MAGI2: variants seen among roughly 807,000 people sequenced by gnomAD.
MAGI2 encodes membrane associated guanylate kinase, WW and PDZ domain containing 2.
MAGI2 carries 35 observed loss-of-function variants against 133.3 expected under a neutral mutation model. The ratio of observed to expected loss-of-function variants is 0.26; its 90% CI spans 0.20 to 0.35. The LOEUF (loss-of-function observed/expected upper bound fraction) is 0.35, where lower values mean the gene tolerates loss of function less well. Among genes scored for constraint, MAGI2 ranks in the 10% least tolerant of loss-of-function variants. The pLI, the probability that MAGI2 is intolerant of heterozygous loss-of-function variation, is 1.00. For missense variants in MAGI2, 1,636 were observed against 1,863.4 expected (o/e 0.88, Z 2.25); for synonymous variants, 729 against 710.6 (o/e 1.03, Z -0.41).
chr7:79,043,772 C>CT (rs1332340779), intron 1 of MAGI2, among the ~76,000 whole-genome samples: 1 of 152,018 alleles, frequency 6.6e-6, no homozygotes, highest in Non-Finnish European at 1.5e-5. Context: ...ATGAATACCT[C>CT]TATGCACACA....
chr7:78,455,836 C>T lies in MAGI2; in HGVS notation c.1045+33925G>A, dbSNP rs144994642. Among the ~76,000 whole-genome samples, 589 of 152,134 alleles carry T rather than the reference C, an allele frequency of 3.9e-3. 1 individual carries two copies. Among genetic ancestry groups the T allele is most frequent in the Non-Finnish European group, 5.7e-3 (389 of 67,990 alleles). On this transcript the variant is annotated intron_variant, in intron 6 of 21. Transcript: ENST00000354212. Reference sequence around the variant, plus strand: ...TTTCGTCTTTTCTTTCAAAGGTTGACACTAAGTCTACCTATTTTTTGTTTA... The same window carrying T: ...TTTCGTCTTTTCTTTCAAAGGTTGATACTAAGTCTACCTATTTTTTGTTTA...
intron 1 of MAGI2, among the ~76,000 whole-genome samples, chr7:79,376,594 C>T (rs907451490): frequency 1.3e-5 from 2 of 151,754 alleles, no homozygotes; most frequent in African/African-American, 4.8e-5. Context: ...GGGTGGGTAG[C>T]GTCTACAATG....
At chr7:78,452,258 A>G (rs1788803006) in intron 6 of MAGI2, among the ~76,000 whole-genome samples, 1 of 151,998 alleles carries the variant, frequency 6.6e-6, no homozygotes, top group African/African-American at 2.4e-5. Flanking sequence ...CAGTACATAA[A>G]TCCAGTTTTA....
In MAGI2 at chr7:78,345,903, A is replaced by C; in HGVS notation, c.1225+19T>G. The C allele has an allele frequency of 6.2e-7, 1 of 1,612,182 alleles. No homozygotes were observed. Among genetic ancestry groups the C allele is most frequent in the Non-Finnish European group, 8.5e-7 (1 of 1,179,564 alleles). Reference sequence around the variant, plus strand: ...GACAATTTTCCCTTTGAAACATCACATGCTGACAGGTATCATACCTCGGAA... The same window carrying C: ...GACAATTTTCCCTTTGAAACATCACCTGCTGACAGGTATCATACCTCGGAA... On this transcript the variant is annotated intron_variant, in intron 8 of 21. Transcript: ENST00000354212.
At chr7:78,392,109 C>T (rs893650361) in intron 6 of MAGI2, among the ~76,000 whole-genome samples, 1 of 152,142 alleles carries the variant, frequency 6.6e-6, no homozygotes, top group Non-Finnish European at 1.5e-5. Context: ...CGATCCTTGC[C>T]TCAAACACTT....
At chr7:78,619,005 T>C (rs1429278339) in intron 3 of MAGI2, 1 of 50,422 alleles carries the variant, frequency 2.0e-5, no homozygotes. Flanking sequence ...CCAAAATCGC[T>C]AAAAAAAAAA....
rs1381097013 is a variant in MAGI2 at position 78,839,740 on chromosome 7, AT to A, written c.418+167349del. Among the ~76,000 whole-genome samples the A allele has an allele frequency of 2.0e-5, 3 of 152,048 alleles. No individual in the cohort carries two copies. In the East Asian group the frequency reaches 5.8e-4, roughly 29 times the overall value. On this transcript the variant is annotated intron_variant, in intron 2 of 21. Coordinates refer to ENST00000354212, the MANE Select transcript of MAGI2 (RefSeq NM_012301.4). Reference sequence around the variant, plus strand: ...CATGGGGATTACAATTCAAGATGAGATTTGGGTAGGGACACAGAGCCAAACC... The same window carrying A: ...CATGGGGATTACAATTCAAGATGAGATTGGGTAGGGACACAGAGCCAAACC...
At chr7:78,815,984 C>A (rs1584004882) in intron 2 of MAGI2, among the ~76,000 whole-genome samples, 1 of 152,252 alleles carries the variant, frequency 6.6e-6, no homozygotes, top group East Asian at 1.9e-4. Context: ...ACAAGATAAG[C>A]TGAACTGCAG....
At chr7:79,062,977 A>G (rs998432551) in intron 1 of MAGI2, among the ~76,000 whole-genome samples, 1 of 152,154 alleles carries the variant, frequency 6.6e-6, no homozygotes, top group African/African-American at 2.4e-5. Flanking sequence ...TAGAAGGGCT[A>G]CTGCTTATGT....
chr7:78,135,605 T>C (rs1017836319), intron 16 of MAGI2, among the ~76,000 whole-genome samples: 6 of 152,224 alleles, frequency 3.9e-5, no homozygotes, highest in South Asian at 2.1e-4. Flanking sequence ...GAGGACCACA[T>C]AGAACTTTGT....
intron 3 of MAGI2, among the ~76,000 whole-genome samples, chr7:78,554,870 C>T (rs2150715929): frequency 6.6e-6 from 1 of 152,184 alleles, no homozygotes; most frequent in Non-Finnish European, 1.5e-5. Context: ...GGCATGGTGG[C>T]TCATGTGGGT....
At chr7:78,240,342 C>T (rs966974610) in intron 10 of MAGI2, among the ~76,000 whole-genome samples, 9 of 151,772 alleles carry the variant, frequency 5.9e-5, no homozygotes, top group African/African-American at 2.2e-4. Flanking sequence ...CATAGTATTC[C>T]ATGGTGTATG....
chr7:78,859,125 A>G (rs953364013), intron 2 of MAGI2, among the ~76,000 whole-genome samples: 56 of 151,580 alleles, frequency 3.7e-4, no homozygotes, highest in African/African-American at 1.3e-3. Flanking sequence ...TTTTGAGCCT[A>G]TGTGTGTCTC....
intron 10 of MAGI2, among the ~76,000 whole-genome samples, chr7:78,207,830 T>A (rs1787258675): frequency 6.6e-6 from 1 of 152,168 alleles, no homozygotes; most frequent in South Asian, 2.1e-4. Flanking sequence ...AAAGAAAATT[T>A]CACATAACTA....
intron 9 of MAGI2, among the ~76,000 whole-genome samples, chr7:78,310,332 G>C (rs978808499): frequency 6.6e-6 from 1 of 152,134 alleles, no homozygotes. Flanking sequence ...CTACTTGGGA[G>C]GCTGAGGCAG....
chr7:78,669,234 G>A (rs955855421), intron 2 of MAGI2, among the ~76,000 whole-genome samples: 1 of 151,768 alleles, frequency 6.6e-6, no homozygotes, highest in African/African-American at 2.4e-5. Context: ...AATGATAAAG[G>A]GGATATCACC....
intron 1 of MAGI2, among the ~76,000 whole-genome samples, chr7:79,104,261 A>T (rs1489015749): frequency 6.6e-6 from 1 of 152,194 alleles, no homozygotes; most frequent in East Asian, 1.9e-4. Context: ...ATGTGCTAAC[A>T]TTCTGGGGTC....
At chr7:79,081,295 A>C (rs190505142) in intron 1 of MAGI2, among the ~76,000 whole-genome samples, 302 of 152,308 alleles carry the variant, frequency 2.0e-3, no homozygotes, top group Admixed American at 7.9e-3. Context: ...GCACGCAAGA[A>C]TTCAACCAGG....
chr7:78,380,215 T>C (rs1465888535), intron 6 of MAGI2, among the ~76,000 whole-genome samples: 1 of 151,878 alleles, frequency 6.6e-6, no homozygotes, highest in Non-Finnish European at 1.5e-5. Context: ...ATAGACTATT[T>C]CTTTTTTTAA....
Sources: gnomAD v4.1 joint callset for allele counts (sites outside exome capture counted in the v4.1 genomes callset) on GRCh38, gnomAD v4.1.1 for gene constraint, MANE v1.5 for transcripts, NCBI Gene and HGNC (gene_info 2026-07-23, HGNC 2026-07-21) for gene names.